Variants in SPPL3 observed in about 807,000 individuals in gnomAD.
The protein encoded by SPPL3 is signal peptide peptidase like 3.
SPPL3 carries 5 observed loss-of-function variants against 42.4 expected under a neutral mutation model. The ratio of observed to expected loss-of-function variants is 0.12; its 90% CI spans 0.06 to 0.25. The LOEUF (loss-of-function observed/expected upper bound fraction) is 0.25. Ranked by LOEUF, SPPL3 falls within the 10% of genes least tolerant of loss-of-function variation. SPPL3 has a pLI of 1.00. For synonymous variants in SPPL3, 195 were observed against 181.8 expected (o/e 1.07, Z -0.58); for missense variants, 235 against 489.0 (o/e 0.48, Z 4.90).
At chr12:120,857,476 A>T (rs1424689105) in intron 1 of SPPL3, among the ~76,000 whole-genome samples, 1 of 152,236 alleles carries the variant, frequency 6.6e-6, no homozygotes, top group African/African-American at 2.4e-5. Context: ...ATTACTGGGT[A>T]CATATCCAAA....
intron 2 of SPPL3, among the ~76,000 whole-genome samples, chr12:120,806,197 A>T (rs941928124): frequency 1.4e-5 from 2 of 144,296 alleles, no homozygotes; most frequent in Non-Finnish European, 3.0e-5. Context: ...TTTATGGTCG[A>T]TTTTTTTTTT....
At chr12:120,866,223 T>C (rs894807077) in intron 1 of SPPL3, among the ~76,000 whole-genome samples, 17 of 152,224 alleles carry the variant, frequency 1.1e-4, no homozygotes, top group African/African-American at 3.4e-4. Flanking sequence ...TCCCCATCCA[T>C]AGAAAAACTG....
At chr12:120,818,847 T>C (rs539643654) in intron 1 of SPPL3, among the ~76,000 whole-genome samples, 25 of 152,296 alleles carry the variant, frequency 1.6e-4, no homozygotes, top group African/African-American at 5.3e-4. Flanking sequence ...AATAAAACCA[T>C]TACATGTTAA....
chr12:120,887,394 C>T (rs1031737418), intron 1 of SPPL3, among the ~76,000 whole-genome samples: 1 of 151,994 alleles, frequency 6.6e-6, no homozygotes, highest in Non-Finnish European at 1.5e-5. Flanking sequence ...AGTGATTATC[C>T]TCCTGGCAAA....
chr12:120,882,785 G>A lies in SPPL3; in HGVS notation c.23+21060C>T, dbSNP rs534183377. Among the ~76,000 whole-genome samples the A allele has an allele frequency of 5.9e-5, 9 of 152,238 alleles. No homozygotes were observed. The South Asian group carries it at 1.9e-3, about 32-fold the overall frequency. On this transcript the variant is annotated intron_variant, in intron 1 of 10. Transcript: ENST00000353487. ...GGCTTATATCTGTAAACCCAGTGCT[G>A]TGGGAAGCCAAGGCGAAAGATTGCT...
At chr12:120,851,511 T>G (rs939724594) in intron 1 of SPPL3, among the ~76,000 whole-genome samples, 1 of 152,206 alleles carries the variant, frequency 6.6e-6, no homozygotes, top group Non-Finnish European at 1.5e-5. Context: ...AAGCAGTATT[T>G]GTGTCCTAAT....
Position 120,767,594 on chromosome 12 carries a change from C to T in SPPL3, c.774-1G>A. On this transcript the variant is annotated splice_acceptor_variant, in intron 8 of 10. Coordinates refer to ENST00000353487, the MANE Select transcript of SPPL3 (RefSeq NM_139015.5). LOFTEE classifies it high-confidence loss of function. Reference sequence around the variant, plus strand: ...CATGGAGAAGTGGCTGCCAGTGGAGCTGGAATGCAGTTTCACAGGTTAGTG... The same window carrying T: ...CATGGAGAAGTGGCTGCCAGTGGAGTTGGAATGCAGTTTCACAGGTTAGTG... 1 of 1,613,978 alleles carries T rather than the reference C, an allele frequency of 6.2e-7. No homozygotes were observed.
rs1212865143 is a variant in SPPL3 at position 120,802,490 on chromosome 12, A to T, written c.101+8319T>A. Among the ~76,000 whole-genome samples the T allele has an allele frequency of 2.8e-5, 4 of 144,862 alleles. No homozygotes were observed. The East Asian group carries it at 8.1e-4, about 29-fold the overall frequency. On this transcript the variant is annotated intron_variant, in intron 2 of 10. Transcript: ENST00000353487. The stretch of plus-strand genomic sequence containing the variant: ...CAGTTTGTGGCCCAGGCTGGAGTGC[A>T]GTGGCGCAATCTCGGCTCACTGCAA...
intron 1 of SPPL3, among the ~76,000 whole-genome samples, chr12:120,854,836 C>T (rs1872399385): frequency 6.6e-6 from 1 of 152,130 alleles, no homozygotes; most frequent in Non-Finnish European, 1.5e-5. Flanking sequence ...CAAAGCGGGG[C>T]ATTTGTTTTG....
Position 120,794,151 on chromosome 12 carries a change from T to C in SPPL3, c.102-2594A>G, listed in dbSNP as rs1870019245. Among the ~76,000 whole-genome samples the C allele has an allele frequency of 7.2e-5, 11 of 152,354 alleles. No homozygotes were observed. In the South Asian group the frequency reaches 2.1e-3, roughly 29 times the overall value. ...CCCCTTTGTCATTACAAAATAACCT[T>C]CTTGTCTGTGGTAGTATTCTTTACT... On this transcript the variant is annotated intron_variant, in intron 2 of 10. Coordinates refer to ENST00000353487, the MANE Select transcript of SPPL3 (RefSeq NM_139015.5).
intron 2 of SPPL3, among the ~76,000 whole-genome samples, chr12:120,808,678 C>T (rs370242548): frequency 1.3e-5 from 2 of 151,976 alleles, no homozygotes; most frequent in African/African-American, 2.4e-5. Flanking sequence ...AGTAACACAA[C>T]GAAATGTCAA....
chr12:120,773,767 C>T (rs1869209450), intron 6 of SPPL3, among the ~76,000 whole-genome samples: 1 of 152,196 alleles, frequency 6.6e-6, no homozygotes, highest in Admixed American at 6.5e-5. Context: ...CCATGCCCAA[C>T]TAATTTTTGC....
chr12:120,855,006 G>A (rs1013755816), intron 1 of SPPL3, among the ~76,000 whole-genome samples: 2 of 152,156 alleles, frequency 1.3e-5, no homozygotes, highest in Non-Finnish European at 2.9e-5. Flanking sequence ...GGGCAGGGAA[G>A]GGACAGGGAA....
intron 1 of SPPL3, among the ~76,000 whole-genome samples, chr12:120,884,238 C>G (rs1357340984): frequency 6.6e-6 from 1 of 151,866 alleles, no homozygotes; most frequent in Non-Finnish European, 1.5e-5. Context: ...AAGGAGAGTA[C>G]AAAGGGGGCT....
intron 2 of SPPL3, among the ~76,000 whole-genome samples, chr12:120,800,842 T>C (rs564869741): frequency 2.0e-5 from 3 of 152,290 alleles, no homozygotes; most frequent in South Asian, 2.1e-4. Context: ...AAAATGATGA[T>C]AATAGTTAAG....
At chr12:120,797,220 A>T (rs1467164758) in intron 2 of SPPL3, among the ~76,000 whole-genome samples, 1 of 152,006 alleles carries the variant, frequency 6.6e-6, no homozygotes, top group Non-Finnish European at 1.5e-5. Flanking sequence ...ATGTTCAAGG[A>T]TTCTGTGTAG....
intron 5 of SPPL3, 61 bp downstream of exon 5, chr12:120,783,613 C>T: frequency 6.9e-7 from 1 of 1,453,698 alleles, no homozygotes; most frequent in South Asian, 1.3e-5. Context: ...ATAATGCTAT[C>T]AAATATGACA....
chr12:120,790,826 CTT>C (rs35743748), intron 3 of SPPL3, among the ~76,000 whole-genome samples: 4 of 147,024 alleles, frequency 2.7e-5, no homozygotes, highest in Non-Finnish European at 4.5e-5. Flanking sequence ...TATCTTGGCA[CTT>C]TTTTTTTTTT....
rs1014038060 is a variant in SPPL3 at position 120,842,150 on chromosome 12, A to T, written c.24-31264T>A. Among the ~76,000 whole-genome samples, 6 of 152,362 alleles carry T rather than the reference A, an allele frequency of 3.9e-5. No homozygotes were observed. In the Middle Eastern group the frequency reaches 0.01, roughly 259 times the overall value. On this transcript the variant is annotated intron_variant, in intron 1 of 10. Coordinates refer to ENST00000353487, the MANE Select transcript of SPPL3 (RefSeq NM_139015.5). ...ATGGTTTAAAATTGTGATGGCAAGA[A>T]GTGCTCAAAATTTGAAATTGTGGCC... is the stretch of plus-strand genomic sequence containing the variant.
Sources: allele counts gnomAD v4.1 joint callset (sites outside exome capture counted in the v4.1 genomes callset), GRCh38; gene constraint gnomAD v4.1.1; transcripts MANE v1.5; gene names NCBI Gene and HGNC (gene_info 2026-07-23, HGNC 2026-07-21).